RNF126: variants seen among roughly 807,000 people sequenced by gnomAD.
RNF126 encodes E3 ubiquitin-protein ligase RNF126.
Under a neutral mutation model 41.9 loss-of-function variants are expected in RNF126, and 20 were observed. That is an observed-to-expected ratio of 0.48 (90% CI 0.34 to 0.69). The LOEUF (loss-of-function observed/expected upper bound fraction) is 0.69, where lower values mean the gene tolerates loss of function less well. Among genes scored for constraint, RNF126 ranks in the 30% least tolerant of loss-of-function variants. The pLI is 0.01. For synonymous variants in RNF126, 239 were observed against 202.9 expected (o/e 1.18, Z -1.51); for missense variants, 433 against 460.6 (o/e 0.94, Z 0.55).
In RNF126 at chr19:649,715, G is replaced by C. The variant is rs1328457964; in HGVS notation, c.540C>G (p.Ala180=). 6.4e-7 allele frequency: 1 copy of C among 1,571,430 alleles called. No homozygotes were observed. Among genetic ancestry groups the C allele is most frequent in the Admixed American group, 1.8e-5 (1 of 55,382 alleles). Residue 180 remains alanine, a synonymous_variant, in exon 6 of 9, where the codon GCC becomes GCG. Transcript: ENST00000292363. ...TGGCATCCAGGCCGTTGGCCCCCCA[G>C]GCGTAGTCCATAGGGTTTGAGTGCA... The part of the protein sequence containing the change: ...GVLHSNPMDY[A]WGANGLDAII...
chr19:648,511 C>G, intron 7 of RNF126, 24 bp from the exon 8 acceptor site: 5 of 1,536,330 alleles, frequency 3.3e-6, no homozygotes, highest in Non-Finnish European at 4.4e-6. Flanking sequence ...CAGCTGCGGT[C>G]ACAGCGGGCG....
chr19:651,841 G>A lies in RNF126; in HGVS notation c.213C>T (p.His71=). The A allele has an allele frequency of 6.2e-7, 1 of 1,610,392 alleles. No homozygotes were observed. Among genetic ancestry groups the A allele is most frequent in the Non-Finnish European group, 8.5e-7 (1 of 1,178,794 alleles). Residue 71 remains histidine (H), a synonymous_variant, in exon 4 of 9, where the codon CAC becomes CAT. Transcript: ENST00000292363. ...CGTAGCCCTGCGGCAGCGTGAACAG[G>A]TGCTGGTCCACGTGCTGGGGAGAGG... ...SRPPLEHVDQ[H]LFTLPQGYGQ...
At chr19:657,903 AG>A (rs1371081188) in intron 1 of RNF126, among the ~76,000 whole-genome samples, 1 of 151,950 alleles carries the variant, frequency 6.6e-6, no homozygotes, top group Non-Finnish European at 1.5e-5. Flanking sequence ...TCCTCCTCCA[AG>A]GGCACAGCCA....
chr19:655,700 G>A (rs1438713691), intron 1 of RNF126, among the ~76,000 whole-genome samples: 1 of 152,154 alleles, frequency 6.6e-6, no homozygotes, highest in African/African-American at 2.4e-5. Context: ...TCCAGGCGCA[G>A]ACCCCAGAGA....
chr19:656,957 G>C (rs2030587161), intron 1 of RNF126, among the ~76,000 whole-genome samples: 1 of 152,182 alleles, frequency 6.6e-6, no homozygotes, highest in Non-Finnish European at 1.5e-5. Context: ...CATCGCCTGG[G>C]TGGGTCTCTG....
intron 1 of RNF126, among the ~76,000 whole-genome samples, chr19:654,378 C>G (rs1284347545): frequency 6.6e-6 from 1 of 152,230 alleles, no homozygotes; most frequent in Non-Finnish European, 1.5e-5. Context: ...CGCGGTGGCT[C>G]AGGCCTGTAA....
intron 6 of RNF126, chr19:649,288 C>T (rs1349054404): frequency 6.7e-6 from 2 of 298,522 alleles, no homozygotes; most frequent in African/African-American, 2.2e-5. Context: ...GGCTGGTGGG[C>T]TACTGTGAGG....
chr19:661,136 C>T (rs981963806), intron 1 of RNF126, among the ~76,000 whole-genome samples: 1 of 152,256 alleles, frequency 6.6e-6, no homozygotes, highest in Non-Finnish European at 1.5e-5. Flanking sequence ...GGCCCAGTGA[C>T]AGTCGGAGGA....
At chr19:662,368 G>A (rs1288428477) in intron 1 of RNF126, among the ~76,000 whole-genome samples, 1 of 152,208 alleles carries the variant, frequency 6.6e-6, no homozygotes, top group African/African-American at 2.4e-5. Flanking sequence ...AGGGGCGGCT[G>A]TAAACACCTG....
rs765471609 is a variant in RNF126, at chr19:651,688, G to A, written c.366C>T (p.Tyr122=). The part of the protein sequence containing the change: ...RERDHPSRHR[Y]GARQPRARLT... ...GGCGGGCGCGGGGCTGTCGGGCGCC[G>A]TACCGGTGCCGGGACGGATGGTCTC... Residue 122 remains tyrosine (Y), a synonymous_variant, in exon 4 of 9, where the codon TAC becomes TAT. Coordinates refer to ENST00000292363, the MANE Select transcript of RNF126 (RefSeq NM_194460.3). 254 of 1,589,624 alleles carry A rather than the reference G, an allele frequency of 1.6e-4. 4 individuals are homozygous for A. In the Middle Eastern group the frequency reaches 5.1e-3, roughly 32 times the overall value.
chr19:652,595 G>A, intron 2 of RNF126: 1 of 607,946 alleles, frequency 1.6e-6, no homozygotes, highest in Non-Finnish European at 2.9e-6. Flanking sequence ...CCGAGGCTGA[G>A]GGAGGTGAGC....
intron 2 of RNF126, 141 bp from the exon 3 acceptor site, chr19:652,437 G>T: frequency 1.3e-6 from 1 of 759,628 alleles, no homozygotes; most frequent in African/African-American, 1.8e-5. Flanking sequence ...CCAGCATTTG[G>T]TGCCGTAACC....
chr19:652,047 G>T, intron 3 of RNF126, 186 bp downstream of exon 3: 1 of 698,686 alleles, frequency 1.4e-6, no homozygotes, highest in South Asian at 2.1e-5. Flanking sequence ...TGGAAGTTTC[G>T]CTTTCATCCA....
chr19:661,769 C>T (rs1190613980), intron 1 of RNF126, among the ~76,000 whole-genome samples: 4 of 152,154 alleles, frequency 2.6e-5, no homozygotes, highest in Admixed American at 6.5e-5. Flanking sequence ...TAGCAACAGC[C>T]GGGCGGCTAC....
chr19:660,941 G>A (rs757614033), intron 1 of RNF126, among the ~76,000 whole-genome samples: 5 of 152,270 alleles, frequency 3.3e-5, no homozygotes, highest in African/African-American at 7.2e-5. Context: ...GGGTGGACAC[G>A]GGCAGGCCCC....
chr19:659,453 G>A lies in RNF126; in HGVS notation c.75+3594C>T, dbSNP rs1474172241. On this transcript the variant is annotated intron_variant, in intron 1 of 8. Coordinates refer to ENST00000292363, the MANE Select transcript of RNF126 (RefSeq NM_194460.3). The surrounding 1 kb of genome is among the most constrained non-coding windows in gnomAD (Gnocchi z 4.9). ...CTGCGGAGGTTGCAGGCGTTCGGGG[G>A]TGGGGGGTCGGCAGGCAGAGCTGGA... Among the ~76,000 whole-genome samples, 1 of 152,198 alleles carries A rather than the reference G, an allele frequency of 6.6e-6. No individual in the cohort carries two copies. Among genetic ancestry groups the A allele is most frequent in the Non-Finnish European group, 1.5e-5 (1 of 68,028 alleles).
rs2030020723 is a variant in RNF126, at chr19:647,753, G to T, written c.*375C>A. 1 of 342,090 alleles carries T rather than the reference G, an allele frequency of 2.9e-6. No individual in the cohort carries two copies. The highest frequency in any genetic ancestry group is 2.2e-5 in the South Asian group (1 of 45,238). The allele number at this position is 342,090 out of a possible 1,614,324, so 21.2% of individuals were successfully genotyped here. ...GGGAGCCGCTGAACCCCGTGCTTCA[G>T]CGCTGGGGGAGCCGCTGGGCCCCGT... On this transcript the variant is annotated 3_prime_UTR_variant, in exon 9 of 9. Coordinates refer to ENST00000292363, the MANE Select transcript of RNF126 (RefSeq NM_194460.3).
intron 7 of RNF126, 93 bp from the exon 8 acceptor site, chr19:648,580 C>A (rs1047327917): frequency 3.0e-5 from 32 of 1,050,664 alleles, no homozygotes; most frequent in Non-Finnish European, 2.8e-6. Context: ...CGGAGGCCGC[C>A]CCTGAGCCCA....
intron 1 of RNF126, among the ~76,000 whole-genome samples, chr19:662,222 G>C (rs1020354417): frequency 2.0e-5 from 3 of 152,214 alleles, no homozygotes; most frequent in Admixed American, 1.3e-4. Flanking sequence ...CCCTGGAAAA[G>C]GGGCCTGGAA....
Sources: allele counts gnomAD v4.1 joint callset (sites outside exome capture counted in the v4.1 genomes callset), GRCh38; gene constraint gnomAD v4.1.1; non-coding constraint Gnocchi (gnomAD v3.1); transcripts MANE v1.5; gene names NCBI Gene and HGNC (gene_info 2026-07-23, HGNC 2026-07-21).